The following HSD17B4 variants were observed in gnomAD, a reference collection of about 807,000 sequenced individuals.
HSD17B4 encodes hydroxysteroid 17-beta dehydrogenase 4.
Under a neutral mutation model 101.0 loss-of-function variants are expected in HSD17B4, and 70 were observed. The ratio of observed to expected loss-of-function variants is 0.69; its 90% confidence interval spans 0.57 to 0.85. HSD17B4 has a LOEUF of 0.85. Ranked by LOEUF, HSD17B4 falls within the 40% of genes least tolerant of loss-of-function variation. The probability of loss-of-function intolerance (pLI) is 0.00; values close to 1 mark genes in which losing one functional copy is unlikely to be tolerated. For missense variants in HSD17B4, 984 were observed against 892.4 expected (o/e 1.10, Z -1.31); for synonymous variants, 347 against 297.1 (o/e 1.17, Z -1.73).
Position 119,492,075 on chromosome 5 carries a change from A to G in HSD17B4, c.715-25A>G, listed in dbSNP as rs552965023. On this transcript the variant is annotated intron_variant, in intron 9 of 23. Transcript: ENST00000510025. ...TTAGTGATTTCACATTAGATGGTAT[A>G]ATGTTTTCCCCCTCTTTTTGGTAGG... 487 of 1,591,052 alleles carry G rather than the reference A, an allele frequency of 3.1e-4. 3 individuals are homozygous for G. The South Asian group carries it at 5.1e-3, about 17-fold the overall frequency.
In HSD17B4 at chr5:119,524,865, T is replaced by C. The variant is rs183295562; in HGVS notation, c.1504-351T>C. On this transcript the variant is annotated intron_variant, in intron 17 of 23. Transcript: ENST00000510025. ...TAAGAAAGTTGGCATAAATTTTGCT[T>C]GCTTAGAGCAGACTATAAACATTTA... Among the ~76,000 whole-genome samples, 18 of 152,256 alleles carry C rather than the reference T, an allele frequency of 1.2e-4. No homozygotes were observed. In the East Asian group the frequency reaches 3.3e-3, roughly 28 times the overall value.
At chr5:119,471,293 A>G (rs1274127306) in intron 2 of HSD17B4, among the ~76,000 whole-genome samples, 3 of 152,106 alleles carry the variant, frequency 2.0e-5, no homozygotes, top group Non-Finnish European at 4.4e-5. Context: ...GCCTCTTTCT[A>G]TTATTTTGTG....
chr5:119,526,168 A>G, intron 19 of HSD17B4, 145 bp downstream of exon 19: 1 of 652,252 alleles, frequency 1.5e-6, no homozygotes, highest in East Asian at 2.8e-5. Context: ...GGCAATCAGC[A>G]CACTTTCTTT....
intron 16 of HSD17B4, chr5:119,509,640 G>A: frequency 6.0e-6 from 2 of 334,492 alleles, no homozygotes; most frequent in South Asian, 2.6e-5. Flanking sequence ...TTCAAAACAA[G>A]GCCCCAGGAA....
At chr5:119,470,616 T>A (rs1756269910) in intron 2 of HSD17B4, among the ~76,000 whole-genome samples, 1 of 152,224 alleles carries the variant, frequency 6.6e-6, no homozygotes, top group African/African-American at 2.4e-5. Flanking sequence ...TCTAAGCTGA[T>A]TCCATCTGGA....
chr5:119,532,262 A>G (rs748984970), intron 22 of HSD17B4, among the ~76,000 whole-genome samples: 1 of 152,104 alleles, frequency 6.6e-6, no homozygotes, highest in African/African-American at 2.4e-5. Context: ...GTTGCTTGTC[A>G]CAGTTATCTT....
At chr5:119,462,083 G>GA (rs1254269416) in intron 2 of HSD17B4, among the ~76,000 whole-genome samples, 1 of 151,952 alleles carries the variant, frequency 6.6e-6, no homozygotes, top group Non-Finnish European at 1.5e-5. Context: ...ATTTTATATG[G>GA]AAAATGTACA....
At chr5:119,509,643 C>T (rs1751989862) in intron 16 of HSD17B4, 2 of 334,716 alleles carry the variant, frequency 6.0e-6, no homozygotes, top group Non-Finnish European at 1.2e-5. Context: ...AAAACAAGGC[C>T]CCAGGAAACT....
intron 6 of HSD17B4, 146 bp from the exon 7 acceptor site, chr5:119,477,271 A>C (rs953795222): frequency 3.8e-5 from 24 of 626,458 alleles, no homozygotes; most frequent in Non-Finnish European, 7.0e-5. Flanking sequence ...ATAAAGGCAA[A>C]ATACTCATTG....
intron 2 of HSD17B4, among the ~76,000 whole-genome samples, chr5:119,470,147 A>T (rs1756215985): frequency 6.6e-6 from 1 of 151,018 alleles, no homozygotes; most frequent in Non-Finnish European, 1.5e-5. Flanking sequence ...TGCGTATGTC[A>T]GCCTTTCTCT....
chr5:119,520,479 A>G (rs1310807608), intron 17 of HSD17B4, among the ~76,000 whole-genome samples: 1 of 152,172 alleles, frequency 6.6e-6, no homozygotes, highest in East Asian at 1.9e-4. Flanking sequence ...ATTCAGCTGC[A>G]TCATACTTTC....
chr5:119,482,724 T>C (rs185983165), intron 8 of HSD17B4, among the ~76,000 whole-genome samples: 18 of 152,232 alleles, frequency 1.2e-4, no homozygotes, highest in African/African-American at 4.1e-4. Flanking sequence ...AACTCTTTGT[T>C]AAGTAGAGTT....
intron 8 of HSD17B4, among the ~76,000 whole-genome samples, chr5:119,487,118 G>C (rs1749676594): frequency 6.6e-6 from 1 of 152,060 alleles, no homozygotes; most frequent in Non-Finnish European, 1.5e-5. Context: ...AACAGTTTAG[G>C]TTTAGGACCC....
intron 11 of HSD17B4, among the ~76,000 whole-genome samples, chr5:119,496,174 A>T (rs567558444): frequency 6.6e-6 from 1 of 152,324 alleles, no homozygotes; most frequent in South Asian, 2.1e-4. Context: ...ATCAGTTGAG[A>T]GGAGGAATCA....
chr5:119,462,309 A>C (rs1431755517), intron 2 of HSD17B4, among the ~76,000 whole-genome samples: 1 of 74,684 alleles, frequency 1.3e-5, no homozygotes, highest in African/African-American at 5.3e-5. Flanking sequence ...TGATCTTTTT[A>C]GGGTAAAAGA....
chr5:119,536,887 A>T (rs527415273), intron 23 of HSD17B4, among the ~76,000 whole-genome samples: 1 of 152,252 alleles, frequency 6.6e-6, no homozygotes, highest in Non-Finnish European at 1.5e-5. Context: ...TTGGAACTAG[A>T]AGGATATTTT....
At position 119,478,753 on chromosome 5, in the gene HSD17B4, A is replaced by G. The variant is rs1345259814; in HGVS notation, c.435-81A>G. 3.8e-5 allele frequency: 43 copies of G among 1,121,022 alleles called. 1 individual carries two copies. The highest frequency in any genetic ancestry group is 2.1e-4 in the African/African-American group (14 of 65,590). 69.4% of individuals were successfully genotyped at this position (1,121,022 alleles called of 1,614,324 possible). A position where few individuals can be genotyped will look rare whatever the true frequency, so the allele number is the denominator to read the frequency against. On this transcript the variant is annotated intron_variant, in intron 7 of 23. Transcript: ENST00000510025. ...ACACATAGTTGCTTTTGATAGGTGC[A>G]GTAGTACCAAAACAGAGTTAGAGTT...
chr5:119,466,728 A>G (rs1755849300), intron 2 of HSD17B4, among the ~76,000 whole-genome samples: 1 of 151,988 alleles, frequency 6.6e-6, no homozygotes, highest in Admixed American at 6.5e-5. Context: ...TATCTTTTCA[A>G]AAAACCAACT....
intron 2 of HSD17B4, among the ~76,000 whole-genome samples, chr5:119,462,374 A>G (rs1292417893): frequency 7.2e-6 from 1 of 138,756 alleles, no homozygotes; most frequent in Non-Finnish European, 1.5e-5. Context: ...TCCAATTTCT[A>G]GTGTAAATTT....
Sources: gnomAD v4.1 joint callset for allele counts (sites outside exome capture counted in the v4.1 genomes callset) on GRCh38, gnomAD v4.1.1 for gene constraint, MANE v1.5 for transcripts, NCBI Gene and HGNC (gene_info 2026-07-23, HGNC 2026-07-21) for gene names.